The following ESR1 variants were observed in gnomAD, a reference collection of about 807,000 sequenced individuals.
The protein encoded by ESR1 is estrogen receptor 1.
A neutral mutation model predicts 52.7 loss-of-function variants in ESR1; 12 were observed. The ratio of observed to expected loss-of-function variants is 0.23; its 90% CI spans 0.15 to 0.37. The LOEUF is 0.37. ESR1 is among the 10% of genes least tolerant of loss of function. ESR1 has a pLI of 1.00. For synonymous variants in ESR1, 305 were observed against 316.8 expected (o/e 0.96, Z 0.39); for missense variants, 584 against 779.7 (o/e 0.75, Z 2.99).
chr6:152,021,212 A>G (rs1352474294), intron 5 of ESR1, among the ~76,000 whole-genome samples: 1 of 152,154 alleles, frequency 6.6e-6, no homozygotes, highest in Non-Finnish European at 1.5e-5. Context: ...GGCAGGCAGA[A>G]AAACGTGAAA....
At chr6:151,832,583 G>A (rs892723311) in intron 1 of ESR1, among the ~76,000 whole-genome samples, 1 of 152,188 alleles carries the variant, frequency 6.6e-6, no homozygotes, top group Non-Finnish European at 1.5e-5. Context: ...TACAAGCATT[G>A]ATAACTGGCT....
intron 7 of ESR1, among the ~76,000 whole-genome samples, chr6:152,096,195 A>G (rs1289105109): frequency 6.6e-6 from 1 of 152,224 alleles, no homozygotes; most frequent in Admixed American, 6.5e-5. Flanking sequence ...TGGTATCACT[A>G]AAAGGACAGG....
intron 1 of ESR1, among the ~76,000 whole-genome samples, chr6:151,658,127 C>T (rs1777518615): frequency 6.6e-6 from 1 of 152,154 alleles, no homozygotes; most frequent in Non-Finnish European, 1.5e-5. Context: ...CTCCCATCAC[C>T]TGGACGTTAA....
At chr6:151,768,791 C>G (rs915497650) in intron 2 of ESR1, among the ~76,000 whole-genome samples, 3 of 152,138 alleles carry the variant, frequency 2.0e-5, no homozygotes, top group Non-Finnish European at 2.9e-5. Flanking sequence ...CTCAACCTTT[C>G]CTTTAACTCG....
intron 4 of ESR1, among the ~76,000 whole-genome samples, chr6:151,963,335 A>T (rs1278389459): frequency 1.3e-5 from 2 of 152,180 alleles, no homozygotes; most frequent in Non-Finnish European, 2.9e-5. Flanking sequence ...TGTCTGTTTC[A>T]TGAAAGTAAA....
intron 4 of ESR1, among the ~76,000 whole-genome samples, chr6:151,997,163 A>T (rs2041569232): frequency 6.6e-6 from 1 of 152,058 alleles, no homozygotes; most frequent in Non-Finnish European, 1.5e-5. Context: ...ATTTGTGCAA[A>T]TCTAGTTAAT....
rs139686719 is a variant in ESR1 at position 151,847,350 on chromosome 6, T to A, written c.643+4563T>A. 8.9e-4 allele frequency among the ~76,000 whole-genome samples: 136 copies of A among 152,334 alleles called. 5 individuals carry two copies. In the East Asian group the frequency reaches 0.026, roughly 29 times the overall value. ...CATTTAGCTGGCTTCATCTGCTTTG[T>A]AGAGCTCTGTTAAAAAGAGTTCCTA... On this transcript the variant is annotated intron_variant, in intron 2 of 7. Coordinates refer to ENST00000206249, the MANE Select transcript of ESR1 (RefSeq NM_000125.4).
At chr6:152,109,744 C>A (rs1288335781) in intron 6 of ESR1, among the ~76,000 whole-genome samples, 3 of 152,144 alleles carry the variant, frequency 2.0e-5, no homozygotes, top group Admixed American at 2.0e-4. Context: ...ACCAAAAGAG[C>A]AGAGCTGAGA....
At chr6:152,122,419 G>A (rs373390112) in intron 6 of ESR1, 9 of 1,613,964 alleles carry the variant, frequency 5.6e-6, no homozygotes, top group Middle Eastern at 3.3e-4. Context: ...CACTTCTGCA[G>A]ATGGCATCTG....
chr6:151,890,445 G>C (rs1012722763), intron 3 of ESR1, among the ~76,000 whole-genome samples: 1 of 152,198 alleles, frequency 6.6e-6, no homozygotes, highest in African/African-American at 2.4e-5. Flanking sequence ...TATTTGAGAA[G>C]AATGTGTGTT....
intron 1 of ESR1, among the ~76,000 whole-genome samples, chr6:151,666,693 T>TCCC (rs1440662790): frequency 1.8e-5 from 2 of 110,064 alleles, no homozygotes; most frequent in Non-Finnish European, 3.7e-5. Flanking sequence ...CTCTTCCCCA[T>TCCC]CCCCCTCCTC....
chr6:151,881,248 G>T (rs912603373), intron 3 of ESR1, among the ~76,000 whole-genome samples: 1 of 152,158 alleles, frequency 6.6e-6, no homozygotes, highest in African/African-American at 2.4e-5. Context: ...CAATCAAAAG[G>T]CAGTTTTCTC....
At chr6:151,978,089 A>G (rs896015768) in intron 4 of ESR1, among the ~76,000 whole-genome samples, 3 of 152,136 alleles carry the variant, frequency 2.0e-5, no homozygotes, top group Non-Finnish European at 4.4e-5. Context: ...ACATTATACA[A>G]AAGTTCTGTG....
In ESR1 at chr6:151,777,118, C is replaced by CTTT. The variant is rs745685480; in HGVS notation, c.-70-30723_-70-30721dup. Among the ~76,000 whole-genome samples, 157 of 142,840 alleles carry CTTT rather than the reference C, an allele frequency of 1.1e-3. 1 individual carries two copies. Among genetic ancestry groups the CTTT allele is most frequent in the Non-Finnish European group, 1.4e-3 (92 of 66,404 alleles). 93.7% of individuals were successfully genotyped at this position (142,840 alleles called of 152,430 possible). Reference sequence around the variant, plus strand: ...ACTCTGAGGTCTTTTCTTTTCTTTTCTTTTCTTTTTTTTTTTGAGACAGAG... The same window carrying CTTT: ...ACTCTGAGGTCTTTTCTTTTCTTTTCTTTTTTTCTTTTTTTTTTTGAGACAGAG... On this transcript the variant is annotated intron_variant, in intron 2 of 2. Coordinates refer to the ESR1 transcript ENST00000404742.
At chr6:151,825,265 T>C (rs2128201212) in intron 1 of ESR1, among the ~76,000 whole-genome samples, 1 of 152,264 alleles carries the variant, frequency 6.6e-6, no homozygotes, top group South Asian at 2.1e-4. Flanking sequence ...GGAGATGGCA[T>C]GCTGCACAAG....
intron 2 of ESR1, among the ~76,000 whole-genome samples, chr6:151,859,170 C>A (rs1378215988): frequency 6.6e-6 from 1 of 152,002 alleles, no homozygotes; most frequent in African/African-American, 2.4e-5. Context: ...GATAGCATGC[C>A]TATTCTTTAC....
chr6:151,680,970 G>A (rs74575485), intron 1 of ESR1, among the ~76,000 whole-genome samples: 2,188 of 152,080 alleles, frequency 0.014, 23 homozygotes, highest in Non-Finnish European at 0.021. Flanking sequence ...TAGACGCCCC[G>A]TCTCTGGGAG....
chr6:151,894,514 T>C (rs1032853451), intron 3 of ESR1, among the ~76,000 whole-genome samples: 13 of 152,248 alleles, frequency 8.5e-5, no homozygotes, highest in African/African-American at 2.9e-4. Flanking sequence ...AATTTTATGG[T>C]TCCAGGTCTT....
intron 2 of ESR1, among the ~76,000 whole-genome samples, chr6:151,746,390 C>A (rs904012853): frequency 4.6e-5 from 7 of 152,158 alleles, no homozygotes; most frequent in Non-Finnish European, 1.0e-4. Flanking sequence ...GTCCCTGCAA[C>A]AATGATGATG....
Sources: gnomAD v4.1 joint callset for allele counts (sites outside exome capture counted in the v4.1 genomes callset) on GRCh38, gnomAD v4.1.1 for gene constraint, MANE v1.5 for transcripts, NCBI Gene and HGNC (gene_info 2026-07-23, HGNC 2026-07-21) for gene names.